Variants in BRWD1 observed in about 807,000 individuals in gnomAD.
BRWD1 encodes the protein bromodomain and WD repeat domain containing 1.
In BRWD1, 82 loss-of-function variants were observed where a neutral mutation model predicts 251.2. The observed-to-expected ratio is 0.33, with a 90% CI of 0.27 to 0.39. The LOEUF (loss-of-function observed/expected upper bound fraction) is 0.39. BRWD1 is among the 10% of genes least tolerant of loss of function. The pLI, the probability that BRWD1 is intolerant of heterozygous loss-of-function variation, is 1.00. For missense variants in BRWD1, 2,233 were observed against 2,711.6 expected, an observed-to-expected ratio of 0.82 and a Z score of 3.92; for synonymous variants, 918 against 902.8, an observed-to-expected ratio of 1.02 and a Z score of -0.30.
At chr21:39,319,539 C>T (rs1318125214) in intron 1 of BRWD1, among the ~76,000 whole-genome samples, 3 of 152,228 alleles carry the variant, frequency 2.0e-5, no homozygotes, top group Non-Finnish European at 2.9e-5. Context: ...TTTTTCTGTT[C>T]GTTTTGTTTA....
At chr21:39,288,535 G>C (rs1568956361) in intron 8 of BRWD1, among the ~76,000 whole-genome samples, 1 of 151,954 alleles carries the variant, frequency 6.6e-6, no homozygotes, top group Non-Finnish European at 1.5e-5. Context: ...AGTACAGTTA[G>C]TTGACCCTTG....
At chr21:39,184,832 A>G (rs976085024), downstream of BRWD1, 2 of 152,190 alleles carry the variant, frequency 1.3e-5, no homozygotes, top group African/African-American at 4.8e-5. Flanking sequence ...GTTTTAAAAC[A>G]TTAGGACTCC....
intron 4 of BRWD1, among the ~76,000 whole-genome samples, chr21:39,308,976 C>A (rs2036378077): frequency 6.6e-6 from 1 of 151,992 alleles, no homozygotes; most frequent in South Asian, 2.1e-4. Flanking sequence ...GAGATGGAGA[C>A]CATCCTGGCC....
At chr21:39,286,702 G>A (rs1186749539) in intron 8 of BRWD1, among the ~76,000 whole-genome samples, 1 of 151,778 alleles carries the variant, frequency 6.6e-6, no homozygotes, top group Non-Finnish European at 1.5e-5. Flanking sequence ...TTTTAATACA[G>A]ACAGGGTTTC....
intron 13 of BRWD1, among the ~76,000 whole-genome samples, chr21:39,271,969 G>A: frequency 7.0e-6 from 1 of 143,056 alleles, no homozygotes; most frequent in Non-Finnish European, 1.5e-5. Flanking sequence ...AACCCAGGAG[G>A]CGAAGGTTGC....
chr21:39,310,871 A>G (rs1489089057), intron 4 of BRWD1, among the ~76,000 whole-genome samples: 1 of 151,990 alleles, frequency 6.6e-6, no homozygotes, highest in East Asian at 1.9e-4. Context: ...AATACTTCTT[A>G]ATAAGGTATT....
chr21:39,242,449 G>A (rs1210746345), intron 21 of BRWD1, among the ~76,000 whole-genome samples: 1 of 152,206 alleles, frequency 6.6e-6, no homozygotes, highest in Non-Finnish European at 1.5e-5. Context: ...GAGGTTTAGG[G>A]AAAGAAGGCA....
intron 22 of BRWD1, 46 bp downstream of exon 22, chr21:39,238,433 A>C (rs1197588629): frequency 1.4e-6 from 2 of 1,465,914 alleles, no homozygotes; most frequent in Non-Finnish European, 1.9e-6. Flanking sequence ...TCCATCCAAG[A>C]CTATGACTAA....
At chr21:39,201,799 T>A (rs537410201) in intron 38 of BRWD1, among the ~76,000 whole-genome samples, 1 of 152,368 alleles carries the variant, frequency 6.6e-6, no homozygotes, top group South Asian at 2.1e-4. Flanking sequence ...TTTATTGAAA[T>A]ACTAGGTAAA....
chr21:39,186,995 T>A lies in BRWD1; in HGVS notation c.*9264A>T. Reference sequence around the variant, plus strand: ...CCAGTTTACTTGTGTACCAATTGTTTTCAGATGCCACTTCTACATTCTCAT... The same window carrying A: ...CCAGTTTACTTGTGTACCAATTGTTATCAGATGCCACTTCTACATTCTCAT... On this transcript the variant is annotated 3_prime_UTR_variant, in exon 41 of 41. Coordinates refer to ENST00000342449, the MANE Select transcript of BRWD1 (RefSeq NM_033656.4). 6.6e-7 allele frequency: 1 copy of A among 1,521,186 alleles called. No individual in the cohort carries two copies. Among genetic ancestry groups the A allele is most frequent in the Non-Finnish European group, 8.8e-7 (1 of 1,140,680 alleles). The allele number at this position is 1,521,186 out of a possible 1,614,324, so 94.2% of individuals were successfully genotyped here.
At chr21:39,298,351 C>T (rs1272206719) in intron 5 of BRWD1, 81 bp downstream of exon 5, 2 of 1,406,310 alleles carry the variant, frequency 1.4e-6, no homozygotes, top group Non-Finnish European at 1.9e-6. Context: ...ACCTTTCTTC[C>T]ACAATGCTTA....
At chr21:39,264,859 C>G in intron 16 of BRWD1, 32 bp downstream of exon 16, 1 of 1,603,952 alleles carries the variant, frequency 6.2e-7, no homozygotes, top group Non-Finnish European at 8.5e-7. Context: ...ATAACTATTA[C>G]TTGCATGCTA....
At chr21:39,207,646 T>G (rs2032469409) in intron 36 of BRWD1, among the ~76,000 whole-genome samples, 1 of 152,164 alleles carries the variant, frequency 6.6e-6, no homozygotes, top group Admixed American at 6.5e-5. Context: ...GCAATTCTAC[T>G]CTTAGGTCTA....
chr21:39,250,955 T>A, intron 19 of BRWD1, 66 bp from the exon 20 acceptor site: 1 of 915,410 alleles, frequency 1.1e-6, no homozygotes, highest in Non-Finnish European at 1.6e-6. Flanking sequence ...ATATAAAGAA[T>A]AAAAACCAGT....
At chr21:39,268,423 AAG>A (rs1395079687) in intron 15 of BRWD1, among the ~76,000 whole-genome samples, 1 of 148,364 alleles carries the variant, frequency 6.7e-6, no homozygotes, top group Non-Finnish European at 1.5e-5. Context: ...CCTGGGCAAC[AAG>A]AGAGAAACTC....
chr21:39,310,061 A>C (rs192609807), intron 4 of BRWD1, among the ~76,000 whole-genome samples: 1 of 152,370 alleles, frequency 6.6e-6, no homozygotes, highest in African/African-American at 2.4e-5. Context: ...GACAATATGC[A>C]ACATTCTCTG....
chr21:39,284,877 G>T (rs143001180), intron 8 of BRWD1, among the ~76,000 whole-genome samples: 2 of 152,020 alleles, frequency 1.3e-5, no homozygotes, highest in Non-Finnish European at 2.9e-5. Context: ...TTGTCTCTTC[G>T]ATCTATATTG....
At chr21:39,306,755 A>C (rs1230461656) in intron 4 of BRWD1, among the ~76,000 whole-genome samples, 1 of 152,252 alleles carries the variant, frequency 6.6e-6, no homozygotes, top group African/African-American at 2.4e-5. Context: ...AATTGCAAGT[A>C]GTCATTTTTC....
chr21:39,220,575 ATG>A (rs1389088363), intron 29 of BRWD1, among the ~76,000 whole-genome samples: 1 of 152,234 alleles, frequency 6.6e-6, no homozygotes, highest in African/African-American at 2.4e-5. Flanking sequence ...CTGACATAAA[ATG>A]TAAAATTATA....
Sources: allele counts gnomAD v4.1 joint callset (sites outside exome capture counted in the v4.1 genomes callset), GRCh38; gene constraint gnomAD v4.1.1; transcripts MANE v1.5; gene names NCBI Gene and HGNC (gene_info 2026-07-23, HGNC 2026-07-21).